The following GRIP1 variants were observed in gnomAD, a reference collection of about 807,000 sequenced individuals.
GRIP1 encodes glutamate receptor interacting protein 1.
A neutral mutation model predicts 129.9 loss-of-function variants in GRIP1; 45 were observed. The ratio of observed to expected loss-of-function variants is 0.35; its 90% CI spans 0.27 to 0.44. The LOEUF (loss-of-function observed/expected upper bound fraction) is 0.44, where lower values mean the gene tolerates loss of function less well. Among genes scored for constraint, GRIP1 ranks in the 20% least tolerant of loss-of-function variants. The pLI is 1.00. For synonymous variants in GRIP1, 530 were observed against 520.8 expected (o/e 1.02, Z -0.24); for missense variants, 1,196 against 1,396.8 (o/e 0.86, Z 2.29).
At chr12:66,747,409 A>T (rs949792147) in intron 1 of GRIP1, among the ~76,000 whole-genome samples, 2 of 152,212 alleles carry the variant, frequency 1.3e-5, no homozygotes, top group African/African-American at 2.4e-5. Flanking sequence ...AAATCAAGCA[A>T]GCTACACATC....
At chr12:66,881,121 T>C (rs929281717) in intron 1 of GRIP1, among the ~76,000 whole-genome samples, 8 of 152,060 alleles carry the variant, frequency 5.3e-5, no homozygotes, top group African/African-American at 7.2e-5. Context: ...AAATGGACTA[T>C]CTAATGAATG....
intron 2 of GRIP1, among the ~76,000 whole-genome samples, chr12:66,566,855 T>A (rs1475829301): frequency 6.6e-6 from 1 of 152,210 alleles, no homozygotes; most frequent in Middle Eastern, 3.2e-3. Flanking sequence ...CCTAGTTTAG[T>A]CTTGGGAGGG....
At chr12:66,448,828 T>C (rs555997432) in intron 11 of GRIP1, among the ~76,000 whole-genome samples, 18 of 152,366 alleles carry the variant, frequency 1.2e-4, no homozygotes, top group Admixed American at 1.1e-3. Flanking sequence ...GTAGCCTTTC[T>C]AACATGCAAG....
At chr12:66,973,319 T>A (rs2042101713) in intron 1 of GRIP1, among the ~76,000 whole-genome samples, 1 of 151,748 alleles carries the variant, frequency 6.6e-6, no homozygotes, top group Non-Finnish European at 1.5e-5. Context: ...TTTTTTTCTT[T>A]AACTTTTTTC....
At chr12:66,663,645 G>C (rs748017173) in intron 1 of GRIP1, among the ~76,000 whole-genome samples, 7 of 152,170 alleles carry the variant, frequency 4.6e-5, no homozygotes, top group African/African-American at 4.8e-5. Context: ...GTGCAGAAGT[G>C]AGTGGGGAGA....
chr12:67,001,717 C>T (rs544500789), intron 1 of GRIP1, among the ~76,000 whole-genome samples: 1 of 152,166 alleles, frequency 6.6e-6, no homozygotes, highest in South Asian at 2.1e-4. Flanking sequence ...TCTCAAGACC[C>T]CCAAAGACCC....
chr12:66,707,205 C>G (rs537943583), intron 1 of GRIP1, among the ~76,000 whole-genome samples: 2 of 151,904 alleles, frequency 1.3e-5, no homozygotes, highest in South Asian at 4.2e-4. Context: ...CCCCAAAGTC[C>G]ACATGCTCTT....
chr12:66,722,232 G>T (rs1258976375), intron 1 of GRIP1, among the ~76,000 whole-genome samples: 1 of 152,104 alleles, frequency 6.6e-6, no homozygotes, highest in Non-Finnish European at 1.5e-5. Flanking sequence ...ATCATTTTCA[G>T]TTTTTGATTT....
intron 1 of GRIP1, among the ~76,000 whole-genome samples, chr12:66,767,900 G>T (rs1464872206): frequency 6.6e-6 from 1 of 152,158 alleles, no homozygotes; most frequent in Non-Finnish European, 1.5e-5. Flanking sequence ...CAACTCATTT[G>T]TAAGGTGCCT....
At chr12:66,463,832 C>T (rs1459045584) in intron 8 of GRIP1, among the ~76,000 whole-genome samples, 2 of 152,162 alleles carry the variant, frequency 1.3e-5, no homozygotes, top group Non-Finnish European at 2.9e-5. Flanking sequence ...TCAGCATCCC[C>T]ACATACCAGT....
intron 1 of GRIP1, among the ~76,000 whole-genome samples, chr12:67,052,814 C>T (rs1382135623): frequency 6.6e-6 from 1 of 151,894 alleles, no homozygotes; most frequent in Non-Finnish European, 1.5e-5. Flanking sequence ...GGAAGGAAAT[C>T]TTTACAACAA....
chr12:66,593,984 T>C (rs1452377687), intron 2 of GRIP1, among the ~76,000 whole-genome samples: 2 of 140,112 alleles, frequency 1.4e-5, no homozygotes, highest in East Asian at 4.4e-4. Flanking sequence ...AGGAGAATGG[T>C]GTGAACCCGG....
intron 1 of GRIP1, among the ~76,000 whole-genome samples, chr12:66,960,473 T>A (rs1013008697): frequency 1.4e-5 from 2 of 146,200 alleles, no homozygotes; most frequent in Non-Finnish European, 3.1e-5. Context: ...GCATTTGGAC[T>A]TTTTTTTAGC....
chr12:66,584,061 T>C (rs529673358), intron 2 of GRIP1, among the ~76,000 whole-genome samples: 20 of 149,020 alleles, frequency 1.3e-4, no homozygotes, highest in South Asian at 6.4e-4. Context: ...ATATATACCA[T>C]GGAATACTAT....
At chr12:66,478,829 T>C (rs7977115) in intron 7 of GRIP1, among the ~76,000 whole-genome samples, 30,911 of 151,828 alleles carry the variant, frequency 0.2, 3,354 homozygotes, top group African/African-American at 0.24. Context: ...AACTGAACAA[T>C]GAGAACACTT....
intron 5 of GRIP1, among the ~76,000 whole-genome samples, chr12:66,519,956 G>T (rs1475064952): frequency 6.6e-6 from 1 of 152,122 alleles, no homozygotes; most frequent in Non-Finnish European, 1.5e-5. Flanking sequence ...AACCCTCCAA[G>T]GTTTAGGCCA....
At chr12:66,394,448 C>A in intron 16 of GRIP1, 96 bp from the exon 17 acceptor site, 1 of 1,003,056 alleles carries the variant, frequency 1.0e-6, no homozygotes. Context: ...AAAACATCCT[C>A]GTCAAAGTAT....
At chr12:66,403,679 T>C (rs2057088804) in intron 16 of GRIP1, among the ~76,000 whole-genome samples, 1 of 152,166 alleles carries the variant, frequency 6.6e-6, no homozygotes, top group South Asian at 2.1e-4. Flanking sequence ...AATGGAAGGT[T>C]TAGGATTTTA....
At chr12:66,823,040 T>C (rs950151996) in intron 1 of GRIP1, among the ~76,000 whole-genome samples, 2 of 152,134 alleles carry the variant, frequency 1.3e-5, no homozygotes, top group African/African-American at 2.4e-5. Flanking sequence ...AACACAGAAA[T>C]AGGTCTTCAA....
Sources: gnomAD v4.1 joint callset for allele counts (sites outside exome capture counted in the v4.1 genomes callset) on GRCh38, gnomAD v4.1.1 for gene constraint, MANE v1.5 for transcripts, NCBI Gene and HGNC (gene_info 2026-07-23, HGNC 2026-07-21) for gene names.